CADPS2: variants seen among roughly 807,000 people sequenced by gnomAD.
CADPS2 encodes calcium dependent secretion activator 2.
CADPS2 carries 93 observed loss-of-function variants against 172.5 expected under a neutral mutation model. The observed-to-expected ratio is 0.54, with a 90% CI of 0.46 to 0.64. The LOEUF (loss-of-function observed/expected upper bound fraction) is 0.64. Ranked by LOEUF, CADPS2 falls within the 30% of genes least tolerant of loss-of-function variation. CADPS2 has a pLI of 0.00. For synonymous variants in CADPS2, 546 were observed against 555.2 expected (o/e 0.98, Z 0.23); for missense variants, 1,420 against 1,565.9 (o/e 0.91, Z 1.57).
intron 2 of CADPS2, among the ~76,000 whole-genome samples, chr7:122,718,634 C>T (rs949807326): frequency 1.3e-5 from 2 of 152,016 alleles, no homozygotes; most frequent in Non-Finnish European, 2.9e-5. Flanking sequence ...AATGAGGATA[C>T]AAGAGTTGGC....
At chr7:122,416,794 G>C (rs1563283915) in intron 17 of CADPS2, among the ~76,000 whole-genome samples, 2 of 152,172 alleles carry the variant, frequency 1.3e-5, no homozygotes. Flanking sequence ...GCAGTAAGCT[G>C]AACTGGTATA....
intron 6 of CADPS2, among the ~76,000 whole-genome samples, chr7:122,594,463 T>A (rs2071422819): frequency 1.3e-5 from 2 of 152,042 alleles, no homozygotes; most frequent in East Asian, 3.9e-4. Flanking sequence ...GAGCTAGTTC[T>A]CATTTGGTTG....
intron 2 of CADPS2, among the ~76,000 whole-genome samples, chr7:122,683,395 C>T (rs2083272754): frequency 6.6e-6 from 1 of 152,124 alleles, no homozygotes. Flanking sequence ...CCAAGAAAAA[C>T]AGGGTCAGTT....
At chr7:122,662,118 C>T (rs2080624958) in intron 3 of CADPS2, among the ~76,000 whole-genome samples, 1 of 152,088 alleles carries the variant, frequency 6.6e-6, no homozygotes, top group Non-Finnish European at 1.5e-5. Flanking sequence ...ATGGATATAA[C>T]ACAGAAATTC....
At chr7:122,636,914 T>C (rs1312350376) in intron 3 of CADPS2, among the ~76,000 whole-genome samples, 1 of 152,136 alleles carries the variant, frequency 6.6e-6, no homozygotes, top group African/African-American at 2.4e-5. Flanking sequence ...ATTGGTGAAA[T>C]TTTCATGGAC....
intron 20 of CADPS2, among the ~76,000 whole-genome samples, chr7:122,405,812 A>C (rs1310079864): frequency 6.6e-6 from 1 of 152,200 alleles, no homozygotes; most frequent in Non-Finnish European, 1.5e-5. Context: ...CATCTTTGGA[A>C]ATGAAATGAA....
At chr7:122,607,969 A>G (rs923562241) in intron 6 of CADPS2, among the ~76,000 whole-genome samples, 3 of 152,172 alleles carry the variant, frequency 2.0e-5, no homozygotes, top group African/African-American at 7.2e-5. Context: ...CTGTAATCCC[A>G]GCACTTTGGG....
At chr7:122,867,483 T>C (rs893873954) in intron 1 of CADPS2, among the ~76,000 whole-genome samples, 1 of 152,198 alleles carries the variant, frequency 6.6e-6, no homozygotes, top group Non-Finnish European at 1.5e-5. Context: ...CAGCTTATTC[T>C]TGAAGGGTAA....
chr7:122,626,551 C>G (rs1171583466), intron 4 of CADPS2, among the ~76,000 whole-genome samples: 1 of 152,202 alleles, frequency 6.6e-6, no homozygotes, highest in Non-Finnish European at 1.5e-5. Flanking sequence ...CTCTCCTACA[C>G]TCCTCATCCC....
At chr7:122,591,905 A>AC (rs1279654095) in intron 6 of CADPS2, among the ~76,000 whole-genome samples, 1 of 152,168 alleles carries the variant, frequency 6.6e-6, no homozygotes, top group Non-Finnish European at 1.5e-5. Context: ...CCTAGGAAAT[A>AC]CCATTCAGGA....
intron 20 of CADPS2, among the ~76,000 whole-genome samples, chr7:122,395,733 C>G (rs556879201): frequency 6.6e-6 from 1 of 152,222 alleles, no homozygotes; most frequent in South Asian, 2.1e-4. Context: ...TTTGGAGTAC[C>G]AAGCACTATG....
intron 1 of CADPS2, among the ~76,000 whole-genome samples, chr7:122,839,540 G>T (rs1356218971): frequency 6.6e-6 from 1 of 152,040 alleles, no homozygotes; most frequent in Non-Finnish European, 1.5e-5. Flanking sequence ...TCTGACAAAG[G>T]GCTAATATCC....
intron 1 of CADPS2, among the ~76,000 whole-genome samples, chr7:122,854,503 C>G (rs1256472055): frequency 6.6e-6 from 1 of 152,194 alleles, no homozygotes; most frequent in Non-Finnish European, 1.5e-5. Context: ...GAGGTGTCAA[C>G]TCAAAGACAC....
chr7:122,494,121 G>A (rs1182144693), intron 9 of CADPS2, among the ~76,000 whole-genome samples: 1 of 152,114 alleles, frequency 6.6e-6, no homozygotes, highest in African/African-American at 2.4e-5. Flanking sequence ...AGCAGCTGAA[G>A]GCCCTAAGAG....
intron 8 of CADPS2, among the ~76,000 whole-genome samples, chr7:122,525,434 A>G (rs1243898023): frequency 1.3e-5 from 2 of 152,122 alleles, no homozygotes. Context: ...TTGAACTTCA[A>G]CTTTACACTT....
intron 1 of CADPS2, among the ~76,000 whole-genome samples, chr7:122,766,096 G>A (rs2093543787): frequency 6.6e-6 from 1 of 152,036 alleles, no homozygotes. Context: ...AACGGAAGGG[G>A]GAGCAGGCAC....
At chr7:122,563,668 G>A (rs2132279542) in intron 7 of CADPS2, among the ~76,000 whole-genome samples, 1 of 152,186 alleles carries the variant, frequency 6.6e-6, no homozygotes, top group Non-Finnish European at 1.5e-5. Flanking sequence ...CCAATTCAAT[G>A]TCAGTCAATC....
intron 8 of CADPS2, among the ~76,000 whole-genome samples, chr7:122,546,454 G>A (rs954440319): frequency 2.0e-5 from 3 of 152,142 alleles, no homozygotes; most frequent in African/African-American, 7.2e-5. Context: ...TACTTTTGAA[G>A]AGATTCCTTT....
intron 29 of CADPS2, 80 bp from the exon 30 acceptor site, chr7:122,320,418 A>G (rs1211127671): frequency 2.6e-6 from 3 of 1,153,314 alleles, no homozygotes; most frequent in South Asian, 4.7e-5. Flanking sequence ...TGGCATTTCA[A>G]AAATGATCTT....
Sources: allele counts gnomAD v4.1 joint callset (sites outside exome capture counted in the v4.1 genomes callset), GRCh38; gene constraint gnomAD v4.1.1; transcripts MANE v1.5; gene names NCBI Gene and HGNC (gene_info 2026-07-23, HGNC 2026-07-21).